Variants in OSBPL6 observed in about 807,000 individuals in gnomAD.
OSBPL6 encodes the protein oxysterol-binding protein-related protein 6.
In OSBPL6, 49 loss-of-function variants were observed where a neutral mutation model predicts 125.8. The ratio of observed to expected loss-of-function variants is 0.39; its 90% confidence interval spans 0.31 to 0.49. The LOEUF is 0.49. Ranked by LOEUF, OSBPL6 falls within the 20% of genes least tolerant of loss-of-function variation. OSBPL6 has a pLI of 0.88. For missense variants in OSBPL6, 986 were observed against 1,135.4 expected (o/e 0.87, Z 1.89); for synonymous variants, 394 against 391.8 (o/e 1.01, Z -0.07).
At position 178,336,468 on chromosome 2, in the gene OSBPL6, C is replaced by A; in HGVS notation, c.790+35C>A. ...TGCCCAGTGTGGCCTGAGAGTAAGC[C>A]AAAACCAAACAAGAAACAAAACCCG... On this transcript the variant is annotated intron_variant, in intron 9 of 24. Transcript: ENST00000190611. 3 of 1,602,748 alleles carry A rather than the reference C, an allele frequency of 1.9e-6. No homozygotes were observed. In the South Asian group the frequency reaches 3.4e-5, roughly 18 times the overall value.
chr2:178,391,983 T>A (rs1324233634), intron 22 of OSBPL6, among the ~76,000 whole-genome samples: 2 of 152,246 alleles, frequency 1.3e-5, no homozygotes, highest in African/African-American at 4.8e-5. Context: ...GATCCTGCCT[T>A]CAAGTTTAGT....
At chr2:178,303,500 C>A (rs1220364568) in intron 2 of OSBPL6, among the ~76,000 whole-genome samples, 1 of 151,994 alleles carries the variant, frequency 6.6e-6, no homozygotes, top group Non-Finnish European at 1.5e-5. Flanking sequence ...ACTATAGGAC[C>A]ATATAAAATT....
chr2:178,342,253 G>A (rs558691517), intron 11 of OSBPL6, among the ~76,000 whole-genome samples: 4 of 152,270 alleles, frequency 2.6e-5, no homozygotes, highest in Middle Eastern at 6.8e-3. Context: ...CCATTGTGAA[G>A]GTGCCCAGAC....
chr2:178,352,005 AG>A (rs1691304968), intron 12 of OSBPL6, among the ~76,000 whole-genome samples: 1 of 152,350 alleles, frequency 6.6e-6, no homozygotes, highest in Admixed American at 6.5e-5. Flanking sequence ...CAGCTAAAAA[AG>A]GCTCATACTA....
At chr2:178,341,691 C>T (rs184218543) in intron 11 of OSBPL6, among the ~76,000 whole-genome samples, 298 of 152,182 alleles carry the variant, frequency 2.0e-3, no homozygotes, top group African/African-American at 7.0e-3. Flanking sequence ...GTTCCAATTC[C>T]AAGAAGAAAC....
At chr2:178,228,346 T>G (rs562116408) in intron 1 of OSBPL6, among the ~76,000 whole-genome samples, 2 of 152,120 alleles carry the variant, frequency 1.3e-5, no homozygotes, top group Non-Finnish European at 2.9e-5. Context: ...CCATCCTGGC[T>G]AACATGGTGA....
chr2:178,261,792 GTTGACCT>G lies in OSBPL6; in HGVS notation c.-350-23132_-350-23126del, dbSNP rs530325900. Among the ~76,000 whole-genome samples, 877 of 152,318 alleles carry G rather than the reference GTTGACCT, an allele frequency of 5.8e-3. 9 individuals are homozygous for G. The highest frequency in any genetic ancestry group is 0.02 in the African/African-American group (838 of 41,570). Reference sequence around the variant, plus strand: ...TTGTATTGAACGAATTTCAACTTTGGTTGACCTTTCTTCAACTATTTTCTCACTTTGA... The same window carrying G: ...TTGTATTGAACGAATTTCAACTTTGGTTCTTCAACTATTTTCTCACTTTGA... On this transcript the variant is annotated intron_variant, in intron 1 of 24. Coordinates refer to ENST00000190611, the MANE Select transcript of OSBPL6 (RefSeq NM_032523.4).
intron 1 of OSBPL6, among the ~76,000 whole-genome samples, chr2:178,236,790 C>T (rs754613406): frequency 2.0e-5 from 3 of 152,158 alleles, no homozygotes; most frequent in Admixed American, 6.5e-5. Flanking sequence ...GTTTATCCTC[C>T]AGGATTTGAG....
chr2:178,353,624 G>C (rs1439330778), intron 12 of OSBPL6, among the ~76,000 whole-genome samples: 1 of 152,160 alleles, frequency 6.6e-6, no homozygotes, highest in Admixed American at 6.5e-5. Context: ...CATTTGATAG[G>C]TTTACCTAAA....
intron 3 of OSBPL6, among the ~76,000 whole-genome samples, chr2:178,323,379 A>G (rs750660974): frequency 5.4e-4 from 82 of 152,238 alleles, no homozygotes; most frequent in Non-Finnish European, 1.0e-3. Context: ...CCTACCGTTT[A>G]TGGTATTTGG....
At chr2:178,309,168 C>T (rs891784406) in intron 3 of OSBPL6, among the ~76,000 whole-genome samples, 3 of 152,238 alleles carry the variant, frequency 2.0e-5, no homozygotes, top group South Asian at 4.2e-4. Flanking sequence ...TCATATGACA[C>T]TCCCACTGGC....
intron 2 of OSBPL6, among the ~76,000 whole-genome samples, chr2:178,292,249 A>G (rs972525363): frequency 6.6e-6 from 1 of 152,196 alleles, no homozygotes. Context: ...TTATTTTTCA[A>G]ATATGTTTTA....
intron 1 of OSBPL6, among the ~76,000 whole-genome samples, chr2:178,245,783 A>G (rs1044223654): frequency 1.3e-5 from 2 of 152,132 alleles, no homozygotes; most frequent in East Asian, 3.9e-4. Context: ...TGAGCTTCAG[A>G]TGACTTATGA....
chr2:178,208,402 C>T (rs1041448244), intron 1 of OSBPL6, among the ~76,000 whole-genome samples: 8 of 152,030 alleles, frequency 5.3e-5, no homozygotes, highest in Admixed American at 2.6e-4. Context: ...AAAATTTGCT[C>T]GAAGTTATTA....
chr2:178,208,885 A>G (rs2089693446), intron 1 of OSBPL6, among the ~76,000 whole-genome samples: 1 of 151,496 alleles, frequency 6.6e-6, no homozygotes, highest in Non-Finnish European at 1.5e-5. Flanking sequence ...TTAAATGTCT[A>G]TAAATATTTT....
intron 3 of OSBPL6, among the ~76,000 whole-genome samples, chr2:178,308,935 A>G (rs1431623531): frequency 1.3e-5 from 2 of 152,134 alleles, no homozygotes; most frequent in African/African-American, 2.4e-5. Flanking sequence ...AAAATCCATC[A>G]GACTCATTGT....
intron 1 of OSBPL6, among the ~76,000 whole-genome samples, chr2:178,252,002 G>T (rs1157874297): frequency 6.6e-6 from 1 of 152,162 alleles, no homozygotes; most frequent in Non-Finnish European, 1.5e-5. Context: ...TAAAACTACA[G>T]TTAGACGTAT....
At chr2:178,362,719 G>A (rs936515129) in intron 13 of OSBPL6, among the ~76,000 whole-genome samples, 1 of 152,062 alleles carries the variant, frequency 6.6e-6, no homozygotes, top group African/African-American at 2.4e-5. Flanking sequence ...CGTGTTTTAC[G>A]TCCCTGAACT....
chr2:178,208,766 G>GTCCTTCCATCCTTCCT (rs2089685168), intron 1 of OSBPL6, among the ~76,000 whole-genome samples: 1 of 124,388 alleles, frequency 8.0e-6, no homozygotes, highest in African/African-American at 3.0e-5. Flanking sequence ...CCCTCCTTCT[G>GTCCTTCCATCCTTCCT]TCCTTCCATC....
Sources: gnomAD v4.1 joint callset for allele counts (sites outside exome capture counted in the v4.1 genomes callset) on GRCh38, gnomAD v4.1.1 for gene constraint, MANE v1.5 for transcripts, NCBI Gene and HGNC (gene_info 2026-07-23, HGNC 2026-07-21) for gene names.